Variants in FAM135B observed in about 807,000 individuals in gnomAD.
The protein encoded by FAM135B is protein FAM135B.
A neutral mutation model predicts 127.7 loss-of-function variants in FAM135B; 43 were observed. The observed-to-expected ratio is 0.34, with a 90% CI of 0.26 to 0.43. FAM135B has a LOEUF of 0.43. Ranked by LOEUF, FAM135B falls within the 20% of genes least tolerant of loss-of-function variation. FAM135B has a pLI of 1.00. For synonymous variants in FAM135B, 670 were observed against 665.1 expected (o/e 1.01, Z -0.11); for missense variants, 1,558 against 1,725.6 (o/e 0.90, Z 1.72).
chr8:138,379,885 C>A (rs1831734244), intron 1 of FAM135B, among the ~76,000 whole-genome samples: 1 of 152,164 alleles, frequency 6.6e-6, no homozygotes, highest in African/African-American at 2.4e-5. Flanking sequence ...GCCAAGTCTG[C>A]CCCAGGAGCT....
chr8:138,451,370 C>G (rs1476481925), intron 1 of FAM135B, among the ~76,000 whole-genome samples: 1 of 152,120 alleles, frequency 6.6e-6, no homozygotes, highest in Non-Finnish European at 1.5e-5. Context: ...TGAAATGGTT[C>G]TTGGATTTTA....
chr8:138,359,711 A>T (rs1341683942), intron 2 of FAM135B, among the ~76,000 whole-genome samples: 1 of 152,212 alleles, frequency 6.6e-6, no homozygotes, highest in Non-Finnish European at 1.5e-5. Flanking sequence ...ATCACTGGCA[A>T]GCAAAGATAA....
intron 9 of FAM135B, among the ~76,000 whole-genome samples, chr8:138,191,282 G>A (rs1032830842): frequency 3.3e-5 from 5 of 152,302 alleles, no homozygotes; most frequent in Non-Finnish European, 7.3e-5. Flanking sequence ...CCTGCAGTCT[G>A]GGCAGAAGCC....
chr8:138,161,942 A>G (rs147635774), intron 12 of FAM135B, among the ~76,000 whole-genome samples: 87 of 136,624 alleles, frequency 6.4e-4, no homozygotes, highest in African/African-American at 2.4e-3. Context: ...GGCTAGCATC[A>G]TGGCTAGTAC....
chr8:138,478,440 C>T (rs778355641), intron 1 of FAM135B, among the ~76,000 whole-genome samples: 15 of 152,164 alleles, frequency 9.9e-5, no homozygotes, highest in Non-Finnish European at 2.1e-4. Flanking sequence ...GTCCCTCATT[C>T]CCCTGAACTT....
chr8:138,157,568 C>A, intron 12 of FAM135B, among the ~76,000 whole-genome samples: 1 of 133,512 alleles, frequency 7.5e-6, no homozygotes, highest in Non-Finnish European at 1.7e-5. Flanking sequence ...AGCCCAAAAT[C>A]TCCTGAAGCT....
chr8:138,362,808 C>T (rs1311797571), intron 2 of FAM135B, among the ~76,000 whole-genome samples: 3 of 152,194 alleles, frequency 2.0e-5, no homozygotes, highest in Non-Finnish European at 4.4e-5. Flanking sequence ...ATGTCAGCCT[C>T]TCTCATTAGC....
chr8:138,353,790 AGTG>A (rs1232122511), intron 2 of FAM135B, among the ~76,000 whole-genome samples: 1 of 109,698 alleles, frequency 9.1e-6, no homozygotes, highest in Non-Finnish European at 2.5e-5. Flanking sequence ...CACCTGTGCT[AGTG>A]TTGTATAGTC....
chr8:138,136,628 C>T (rs974680619), intron 19 of FAM135B, among the ~76,000 whole-genome samples: 4 of 152,014 alleles, frequency 2.6e-5, no homozygotes, highest in Non-Finnish European at 5.9e-5. Context: ...CAAAGGAAAC[C>T]ACAAATGCCA....
At chr8:138,331,342 C>G (rs549676753) in intron 2 of FAM135B, among the ~76,000 whole-genome samples, 44 of 152,122 alleles carry the variant, frequency 2.9e-4, no homozygotes, top group African/African-American at 8.2e-4. Context: ...TGTGTAAACC[C>G]CAAATAGTTT....
At chr8:138,200,183 A>G (rs1286307489) in intron 7 of FAM135B, among the ~76,000 whole-genome samples, 1 of 152,244 alleles carries the variant, frequency 6.6e-6, no homozygotes, top group African/African-American at 2.4e-5. Flanking sequence ...TTGGATTAAA[A>G]GCTTGTCAAA....
chr8:138,364,786 GAGA>G (rs1377917250), intron 2 of FAM135B, among the ~76,000 whole-genome samples: 2 of 152,128 alleles, frequency 1.3e-5, no homozygotes, highest in Non-Finnish European at 1.5e-5. Flanking sequence ...TTTAAAGAGA[GAGA>G]AGGATATAAT....
chr8:138,342,945 T>C (rs1378953015), intron 2 of FAM135B, among the ~76,000 whole-genome samples: 1 of 152,242 alleles, frequency 6.6e-6, no homozygotes, highest in Non-Finnish European at 1.5e-5. Flanking sequence ...ATGCTAGGTA[T>C]AGTGAATTCA....
At chr8:138,192,586 AT>A (rs1816233447) in intron 9 of FAM135B, among the ~76,000 whole-genome samples, 3 of 39,222 alleles carry the variant, frequency 7.6e-5, no homozygotes, top group Admixed American at 7.4e-4. Context: ...TATCACCCAG[AT>A]TGATAAACTC....
At chr8:138,443,401 T>C (rs944524526) in intron 1 of FAM135B, among the ~76,000 whole-genome samples, 3 of 152,100 alleles carry the variant, frequency 2.0e-5, no homozygotes, top group African/African-American at 7.2e-5. Flanking sequence ...AAATCAGTAT[T>C]ATATGGGGTC....
intron 1 of FAM135B, chr8:138,439,004 A>T (rs1835615468): frequency 6.6e-6 from 1 of 152,222 alleles, no homozygotes; most frequent in African/African-American, 2.4e-5. Flanking sequence ...ACCTAAAAAA[A>T]CAAGTGGGTC....
intron 2 of FAM135B, among the ~76,000 whole-genome samples, chr8:138,315,843 G>A (rs1039125048): frequency 8.5e-5 from 13 of 152,228 alleles, no homozygotes; most frequent in Middle Eastern, 3.4e-3. Flanking sequence ...TAGGATGATA[G>A]TTACCGGGAA....
intron 1 of FAM135B, among the ~76,000 whole-genome samples, chr8:138,478,239 T>C (rs1262600908): frequency 6.6e-6 from 1 of 152,140 alleles, no homozygotes; most frequent in East Asian, 1.9e-4. Flanking sequence ...CTCTGAGCCC[T>C]AGTCATTCTA....
intron 9 of FAM135B, among the ~76,000 whole-genome samples, chr8:138,180,690 T>G (rs1416490447): frequency 6.6e-6 from 1 of 152,184 alleles, no homozygotes; most frequent in African/African-American, 2.4e-5. Flanking sequence ...ATGTTGCATA[T>G]TTTTGCTTTA....
Sources: allele counts gnomAD v4.1 joint callset (sites outside exome capture counted in the v4.1 genomes callset), GRCh38; gene constraint gnomAD v4.1.1; transcripts MANE v1.5; gene names NCBI Gene and HGNC (gene_info 2026-07-23, HGNC 2026-07-21).